Variants in CPED1 observed in about 807,000 individuals in gnomAD.
The protein encoded by CPED1 is cadherin like and PC-esterase domain containing 1, also known as cadherin-like and PC-esterase domain-containing protein 1.
A neutral mutation model predicts 128.2 loss-of-function variants in CPED1; 114 were observed. That is an observed-to-expected ratio of 0.89 (90% confidence interval 0.76 to 1.04). The LOEUF (loss-of-function observed/expected upper bound fraction) is 1.04. Among genes scored for constraint, CPED1 ranks in the 50% least tolerant of loss-of-function variants. The pLI, the probability that CPED1 is intolerant of heterozygous loss-of-function variation, is 0.00. For synonymous variants in CPED1, 462 were observed against 426.7 expected (o/e 1.08, Z -1.02); for missense variants, 1,211 against 1,207.1 (o/e 1.00, Z -0.05).
chr7:121,107,331 G>GA (rs139707310), intron 7 of CPED1, among the ~76,000 whole-genome samples: 15,283 of 152,042 alleles, frequency 0.1, 873 homozygotes, highest in Middle Eastern at 0.15. Context: ...ATATTGGAAG[G>GA]AAAAAATCAC....
intron 16 of CPED1, among the ~76,000 whole-genome samples, chr7:121,221,872 G>A (rs532313386): frequency 3.3e-5 from 5 of 152,172 alleles, no homozygotes; most frequent in Admixed American, 6.6e-5. Flanking sequence ...TGTCAGATGG[G>A]TAGATTGCAA....
At chr7:121,213,336 GA>G (rs1797687971) in intron 16 of CPED1, among the ~76,000 whole-genome samples, 1 of 152,002 alleles carries the variant, frequency 6.6e-6, no homozygotes, top group Non-Finnish European at 1.5e-5. Flanking sequence ...TATTGAATAA[GA>G]ATGATAATAT....
intron 3 of CPED1, among the ~76,000 whole-genome samples, chr7:121,045,934 AAT>A: frequency 6.6e-6 from 1 of 152,224 alleles, no homozygotes; most frequent in Non-Finnish European, 1.5e-5. Context: ...TCCATGAGGT[AAT>A]GTGTTTACCA....
At chr7:121,237,897 G>A (rs1307661641) in intron 17 of CPED1, among the ~76,000 whole-genome samples, 2 of 152,172 alleles carry the variant, frequency 1.3e-5, no homozygotes, top group Non-Finnish European at 2.9e-5. Flanking sequence ...AGGGAATAGA[G>A]AGGGATTTAC....
At chr7:121,007,673 C>T (rs1228253593) in intron 2 of CPED1, among the ~76,000 whole-genome samples, 1 of 152,176 alleles carries the variant, frequency 6.6e-6, no homozygotes, top group East Asian at 1.9e-4. Flanking sequence ...TTTCTGTTTA[C>T]TGAGTGTCTT....
intron 16 of CPED1, among the ~76,000 whole-genome samples, chr7:121,143,361 C>T (rs58117428): frequency 9.4e-4 from 143 of 151,992 alleles, no homozygotes; most frequent in African/African-American, 2.6e-3. Flanking sequence ...ATTTATAGTA[C>T]GGAAAATATA....
intron 22 of CPED1, among the ~76,000 whole-genome samples, chr7:121,291,245 C>T (rs1792695370): frequency 6.6e-6 from 1 of 152,162 alleles, no homozygotes; most frequent in Non-Finnish European, 1.5e-5. Flanking sequence ...GTGATGCCTC[C>T]AGCTTTGTTC....
intron 22 of CPED1, among the ~76,000 whole-genome samples, chr7:121,286,230 C>T (rs1792568877): frequency 6.6e-6 from 1 of 152,148 alleles, no homozygotes; most frequent in Non-Finnish European, 1.5e-5. Flanking sequence ...AGTTTCCTCC[C>T]ACCAGGTCCC....
chr7:121,253,306 C>A, intron 18 of CPED1, among the ~76,000 whole-genome samples: 1 of 109,854 alleles, frequency 9.1e-6, no homozygotes, highest in African/African-American at 3.8e-5. Flanking sequence ...ACACCGAGGA[C>A]GGTTGTGGGG....
chr7:121,130,432 A>G (rs1205073299), intron 12 of CPED1, 138 bp downstream of exon 12: 1 of 631,214 alleles, frequency 1.6e-6, no homozygotes, highest in Non-Finnish European at 2.6e-6. Context: ...AGGAAAATAA[A>G]TGTCTTTAAA....
chr7:121,056,653 T>G (rs1265049562), intron 4 of CPED1, among the ~76,000 whole-genome samples: 1 of 152,222 alleles, frequency 6.6e-6, no homozygotes, highest in Non-Finnish European at 1.5e-5. Flanking sequence ...CTCTGGGATA[T>G]GTTCTTATAT....
At chr7:121,158,426 T>A (rs1347541268) in intron 16 of CPED1, among the ~76,000 whole-genome samples, 1 of 152,158 alleles carries the variant, frequency 6.6e-6, no homozygotes, top group African/African-American at 2.4e-5. Flanking sequence ...ATGAACAGCT[T>A]CTCACCCCCT....
At chr7:121,037,843 G>A (rs965778109) in intron 3 of CPED1, among the ~76,000 whole-genome samples, 1 of 151,994 alleles carries the variant, frequency 6.6e-6, no homozygotes, top group Non-Finnish European at 1.5e-5. Flanking sequence ...CCTTGTAGAG[G>A]TCCTTCACGT....
chr7:121,010,572 C>G (rs1052677483), intron 2 of CPED1, among the ~76,000 whole-genome samples: 2 of 152,074 alleles, frequency 1.3e-5, no homozygotes, highest in African/African-American at 4.8e-5. Flanking sequence ...GATAAGCAAA[C>G]TTTATTACTT....
intron 16 of CPED1, among the ~76,000 whole-genome samples, chr7:121,203,124 C>G (rs749100664): frequency 8.5e-5 from 13 of 152,104 alleles, no homozygotes; most frequent in Non-Finnish European, 1.8e-4. Context: ...CCACTCTCCT[C>G]ACTCTTTCAT....
chr7:121,087,665 CTGTTT>C (rs1794464107), intron 5 of CPED1, among the ~76,000 whole-genome samples: 6 of 131,570 alleles, frequency 4.6e-5, no homozygotes, highest in Non-Finnish European at 7.8e-5. Context: ...CTTTTCTTTC[CTGTTT>C]TTTTTTTTTT....
chr7:121,061,800 T>C (rs1793679584), intron 4 of CPED1, among the ~76,000 whole-genome samples: 1 of 152,210 alleles, frequency 6.6e-6, no homozygotes, highest in South Asian at 2.1e-4. Context: ...TAGAAGAGTA[T>C]TACTAGGTTT....
intron 5 of CPED1, among the ~76,000 whole-genome samples, chr7:121,072,750 A>G (rs930176790): frequency 6.6e-6 from 1 of 152,220 alleles, no homozygotes; most frequent in African/African-American, 2.4e-5. Flanking sequence ...CAATTTGAGC[A>G]TATTGGTTTT....
chr7:121,144,741 A>G lies in CPED1; in HGVS notation c.2055+2600A>G, dbSNP rs1477742118. 2.0e-5 allele frequency among the ~76,000 whole-genome samples: 3 copies of G among 152,056 alleles called. 1 individual carries two copies. Among genetic ancestry groups the G allele is most frequent in the Non-Finnish European group, 4.4e-5 (3 of 67,946 alleles). On this transcript the variant is annotated intron_variant, in intron 16 of 22. Transcript: ENST00000310396. ...TTGAGGTGTGATAGATATCCCAATT[A>G]CCCTGATTTGATCATTACACATTGT...
Sources: allele counts gnomAD v4.1 joint callset (sites outside exome capture counted in the v4.1 genomes callset), GRCh38; gene constraint gnomAD v4.1.1; transcripts MANE v1.5; gene names NCBI Gene and HGNC (gene_info 2026-07-23, HGNC 2026-07-21).